The following GADL1 variants were observed in gnomAD, a reference collection of about 807,000 sequenced individuals.
GADL1 encodes the protein acidic amino acid decarboxylase GADL1.
A neutral mutation model predicts 69.5 loss-of-function variants in GADL1; 71 were observed. That is an observed-to-expected ratio of 1.02 (90% confidence interval 0.84 to 1.25). GADL1 has a LOEUF of 1.25. Ranked by LOEUF, GADL1 falls within the 50% of genes most tolerant of loss-of-function variation. GADL1 has a pLI of 0.00. For missense variants in GADL1, 737 were observed against 631.8 expected (o/e 1.17, Z -1.79); for synonymous variants, 254 against 214.4 (o/e 1.18, Z -1.62).
At chr3:30,820,537 T>C (rs1019544140) in intron 11 of GADL1, among the ~76,000 whole-genome samples, 1 of 152,198 alleles carries the variant, frequency 6.6e-6, no homozygotes, top group African/African-American at 2.4e-5. Context: ...CAAAAGTTTT[T>C]CTTACATCAG....
At chr3:30,730,198 C>G (rs1270749819) in intron 14 of GADL1, among the ~76,000 whole-genome samples, 2 of 152,168 alleles carry the variant, frequency 1.3e-5, no homozygotes, top group Non-Finnish European at 2.9e-5. Flanking sequence ...ATATCTGCTT[C>G]AAACCCATGA....
chr3:30,756,903 T>TTG (rs10676924), intron 14 of GADL1, among the ~76,000 whole-genome samples: 126,523 of 151,964 alleles, frequency 0.83, 53,309 homozygotes, highest in African/African-American at 0.95. Flanking sequence ...TGGGGGTAGT[T>TTG]TATGTAGCAA....
rs537267488 is a variant in GADL1, at chr3:30,834,803, A to G, written c.904-522T>C. ...GCTTTCAGAAATATCTACAAATGAG[A>G]GAGAGGGCAAGCTTGGGACAAAAGG... On this transcript the variant is annotated intron_variant, in intron 9 of 14. Transcript: ENST00000282538. 2.0e-5 allele frequency among the ~76,000 whole-genome samples: 3 copies of G among 152,086 alleles called. No individual in the cohort carries two copies. The East Asian group carries it at 5.8e-4, about 29-fold the overall frequency.
intron 12 of GADL1, among the ~76,000 whole-genome samples, chr3:30,787,963 A>G (rs1696832322): frequency 1.3e-5 from 2 of 152,182 alleles, no homozygotes; most frequent in Non-Finnish European, 2.9e-5. Context: ...CAAAGATATT[A>G]TCTATATGCA....
At chr3:30,858,993 T>C (rs1181061259) in intron 2 of GADL1, among the ~76,000 whole-genome samples, 1 of 151,998 alleles carries the variant, frequency 6.6e-6, no homozygotes, top group African/African-American at 2.4e-5. Context: ...CACTGTCAAA[T>C]ACTGCTAAGA....
chr3:30,780,601 A>G (rs1376675226), intron 13 of GADL1, among the ~76,000 whole-genome samples: 1 of 152,022 alleles, frequency 6.6e-6, no homozygotes, highest in Non-Finnish European at 1.5e-5. Flanking sequence ...ATTCCCTTTC[A>G]TTTGCATAGG....
chr3:30,776,915 T>A lies in GADL1; in HGVS notation c.1392+1264A>T, dbSNP rs912591339. ...TCATGCTGTGATTCTTCCTGGAATC[T>A]GCTTCTTTAAAATTGTCCCCTGACT... On this transcript the variant is annotated intron_variant, in intron 14 of 14. Coordinates refer to ENST00000282538, the MANE Select transcript of GADL1 (RefSeq NM_207359.3). Among the ~76,000 whole-genome samples, 10 of 152,324 alleles carry A rather than the reference T, an allele frequency of 6.6e-5. 1 individual carries two copies. The highest frequency in any genetic ancestry group is 3.4e-3 in the Middle Eastern group (1 of 294).
At chr3:30,742,994 C>T (rs1995450) in intron 14 of GADL1, among the ~76,000 whole-genome samples, 28,465 of 151,464 alleles carry the variant, frequency 0.19, 3,748 homozygotes, top group African/African-American at 0.37. Context: ...ACAGAACCTG[C>T]GCATGATCTT....
chr3:30,877,198 A>G (rs1455409096), intron 1 of GADL1, among the ~76,000 whole-genome samples: 1 of 151,864 alleles, frequency 6.6e-6, no homozygotes, highest in Non-Finnish European at 1.5e-5. Context: ...AGCAGCGCTG[A>G]TATTCAAATT....
intron 11 of GADL1, among the ~76,000 whole-genome samples, chr3:30,802,182 G>A (rs1442327674): frequency 6.6e-6 from 1 of 152,086 alleles, no homozygotes; most frequent in Non-Finnish European, 1.5e-5. Flanking sequence ...CTGGTATTTG[G>A]CTGCATTTGT....
chr3:30,771,952 G>C (rs1559495264), intron 14 of GADL1, among the ~76,000 whole-genome samples: 2 of 152,312 alleles, frequency 1.3e-5, no homozygotes, highest in South Asian at 4.1e-4. Context: ...AATGGGGCAA[G>C]GAAAGAGATA....
chr3:30,857,441 A>G (rs977912435), intron 2 of GADL1, among the ~76,000 whole-genome samples: 1 of 152,032 alleles, frequency 6.6e-6, no homozygotes, highest in Non-Finnish European at 1.5e-5. Context: ...GAAGTGACAG[A>G]AGTAACAAAG....
At position 30,823,405 on chromosome 3, in the gene GADL1, T is replaced by G. The variant is rs79621507; in HGVS notation, c.1050+10448A>C. Among the ~76,000 whole-genome samples the G allele has an allele frequency of 6.0e-4, 92 of 152,102 alleles. 1 individual carries two copies. The East Asian group carries it at 0.016, about 27-fold the overall frequency. On this transcript the variant is annotated intron_variant, in intron 11 of 14. Coordinates refer to ENST00000282538, the MANE Select transcript of GADL1 (RefSeq NM_207359.3). The stretch of plus-strand genomic sequence containing the variant: ...TTAAGGCCAAGAAAGAAATCCCTTT[T>G]CTTGTTTGGGACCCAAAGGTCTCCA...
At chr3:30,750,498 T>C (rs1372611864) in intron 14 of GADL1, among the ~76,000 whole-genome samples, 2 of 152,102 alleles carry the variant, frequency 1.3e-5, no homozygotes, top group African/African-American at 4.8e-5. Context: ...TCTACCGAGA[T>C]GCCCAAACAA....
chr3:30,803,125 T>G (rs568482131), intron 11 of GADL1, among the ~76,000 whole-genome samples: 42 of 152,278 alleles, frequency 2.8e-4, no homozygotes, highest in African/African-American at 9.6e-4. Flanking sequence ...TTAGTATGCC[T>G]TCAGCCTGGT....
chr3:30,768,047 CTT>C (rs1696326238), intron 14 of GADL1, among the ~76,000 whole-genome samples: 2 of 140,156 alleles, frequency 1.4e-5, no homozygotes, highest in African/African-American at 5.5e-5. Flanking sequence ...CCCCCCCCCC[CTT>C]ATCCTTATAA....
In GADL1 at chr3:30,863,961, A is replaced by T. The variant is rs370270940; in HGVS notation, c.38-2196T>A. On this transcript the variant is annotated intron_variant, in intron 1 of 14. Transcript: ENST00000282538. ...GGAAAGATGGAATCTGCAGCAAAGG[A>T]TCAATCTTTTGTCCTCTCACTGAAA... 2.6e-5 allele frequency among the ~76,000 whole-genome samples: 4 copies of T among 152,160 alleles called. No individual in the cohort carries two copies. In the East Asian group the frequency reaches 5.8e-4, roughly 22 times the overall value.
At chr3:30,753,755 C>T (rs890311001) in intron 14 of GADL1, among the ~76,000 whole-genome samples, 4 of 152,106 alleles carry the variant, frequency 2.6e-5, no homozygotes, top group South Asian at 4.1e-4. Flanking sequence ...TGCTTTTTAA[C>T]TAAACTTACA....
rs374623041 is a variant in GADL1 at position 30,757,857 on chromosome 3, TCAG to T, written c.1392+20319_1392+20321del. Among the ~76,000 whole-genome samples the T allele has an allele frequency of 6.0e-3, 908 of 152,252 alleles. 6 individuals carry two copies. The highest frequency in any genetic ancestry group is 0.021 in the African/African-American group (870 of 41,544). ...ACTAATAGCAAAGCTGCTCAGATTA[TCAG>T]CAGTTCAGCAAAATCAAAAGGAATA... On this transcript the variant is annotated intron_variant, in intron 14 of 14. Transcript: ENST00000282538.
Sources: gnomAD v4.1 joint callset for allele counts (sites outside exome capture counted in the v4.1 genomes callset) on GRCh38, gnomAD v4.1.1 for gene constraint, MANE v1.5 for transcripts, NCBI Gene and HGNC (gene_info 2026-07-23, HGNC 2026-07-21) for gene names.